GHR: variants seen among roughly 807,000 people sequenced by gnomAD.
GHR encodes the protein GH receptor.
A neutral mutation model predicts 67.1 loss-of-function variants in GHR; 35 were observed. The ratio of observed to expected loss-of-function variants is 0.52; its 90% CI spans 0.40 to 0.69. GHR has a LOEUF of 0.69. Ranked by LOEUF, GHR falls within the 30% of genes least tolerant of loss-of-function variation. GHR has a pLI of 0.00. For missense variants in GHR, 792 were observed against 764.6 expected (o/e 1.04, Z -0.42); for synonymous variants, 272 against 269.1 (o/e 1.01, Z -0.10).
chr5:42,432,201 GA>G (rs535067689), intron 1 of GHR, among the ~76,000 whole-genome samples: 2 of 152,102 alleles, frequency 1.3e-5, no homozygotes, highest in South Asian at 4.1e-4. Flanking sequence ...AAAGTCCAAA[GA>G]AAAATCCTTA....
intron 2 of GHR, among the ~76,000 whole-genome samples, chr5:42,588,057 A>G (rs1363697200): frequency 6.6e-6 from 1 of 152,186 alleles, no homozygotes; most frequent in African/African-American, 2.4e-5. Context: ...GTCAAATTGT[A>G]TATTGTTTAA....
At chr5:42,622,279 A>T (rs1753485691) in intron 2 of GHR, among the ~76,000 whole-genome samples, 1 of 152,202 alleles carries the variant, frequency 6.6e-6, no homozygotes, top group South Asian at 2.1e-4. Context: ...TGCTTGTGAC[A>T]TTGAGATCAA....
chr5:42,536,351 T>A (rs904674643), intron 1 of GHR, among the ~76,000 whole-genome samples: 2 of 152,228 alleles, frequency 1.3e-5, no homozygotes, highest in Non-Finnish European at 2.9e-5. Context: ...TATGCCAATT[T>A]TGCTGAGAGT....
In GHR at chr5:42,720,476, G is replaced by A. The variant is rs1029453429; in HGVS notation, c.*1052G>A. On this transcript the variant is annotated 3_prime_UTR_variant, in exon 10 of 10. Coordinates refer to ENST00000230882, the MANE Select transcript of GHR (RefSeq NM_000163.5). ...AGAGATAAGATCTATAGCCTCTGCA[G>A]CGGAATCTGTTCACACCCAACTTGG... 7.2e-5 allele frequency: 11 copies of A among 152,202 alleles called. No homozygotes were observed. The highest frequency in any genetic ancestry group is 2.7e-4 in the African/African-American group (11 of 41,456). The allele number at this position is 152,202 out of a possible 1,614,324, so 9.4% of individuals were successfully genotyped here.
At chr5:42,706,461 G>A (rs2111783416) in intron 6 of GHR, among the ~76,000 whole-genome samples, 1 of 152,108 alleles carries the variant, frequency 6.6e-6, no homozygotes, top group Admixed American at 6.6e-5. Context: ...TGAAACCTTT[G>A]CTAAGGCCTA....
intron 1 of GHR, among the ~76,000 whole-genome samples, chr5:42,489,985 T>C (rs1183955875): frequency 6.6e-6 from 1 of 151,886 alleles, no homozygotes; most frequent in Admixed American, 6.6e-5. Flanking sequence ...TAAAAGAAAA[T>C]ATAGCAAGAA....
At chr5:42,639,529 C>T (rs771145445) in intron 3 of GHR, among the ~76,000 whole-genome samples, 6 of 151,988 alleles carry the variant, frequency 3.9e-5, no homozygotes, top group African/African-American at 7.3e-5. Flanking sequence ...TTTAAAACCC[C>T]GAATTTGAAT....
chr5:42,509,750 C>A (rs1746931643), intron 1 of GHR, among the ~76,000 whole-genome samples: 1 of 145,946 alleles, frequency 6.9e-6, no homozygotes, highest in Non-Finnish European at 1.5e-5. Flanking sequence ...TTTTACACGT[C>A]TACCTCTATT....
At chr5:42,586,409 C>G (rs1157760169) in intron 2 of GHR, among the ~76,000 whole-genome samples, 2 of 152,128 alleles carry the variant, frequency 1.3e-5, no homozygotes, top group Non-Finnish European at 2.9e-5. Context: ...GCTTTTTTCT[C>G]AATAAATGGG....
chr5:42,595,804 G>C (rs1258782703), intron 2 of GHR, among the ~76,000 whole-genome samples: 1 of 152,220 alleles, frequency 6.6e-6, no homozygotes, highest in Non-Finnish European at 1.5e-5. Context: ...TGACAGATTG[G>C]CTGTAATAAA....
intron 2 of GHR, among the ~76,000 whole-genome samples, chr5:42,618,990 T>C (rs1342005523): frequency 6.6e-6 from 1 of 152,076 alleles, no homozygotes; most frequent in Non-Finnish European, 1.5e-5. Flanking sequence ...AAAAAACAAA[T>C]GGCCCTCTGG....
chr5:42,448,745 T>C (rs1220754188), intron 1 of GHR, among the ~76,000 whole-genome samples: 1 of 152,074 alleles, frequency 6.6e-6, no homozygotes, highest in Non-Finnish European at 1.5e-5. Flanking sequence ...GATGTTATCT[T>C]CTAGAATTTT....
chr5:42,690,388 A>AG (rs750729079), intron 4 of GHR, among the ~76,000 whole-genome samples: 13 of 152,326 alleles, frequency 8.5e-5, no homozygotes, highest in Non-Finnish European at 1.5e-4. Flanking sequence ...ACTTCTTGTG[A>AG]GGATCATATG....
At chr5:42,430,693 TG>T (rs1203941723) in intron 1 of GHR, among the ~76,000 whole-genome samples, 12 of 151,922 alleles carry the variant, frequency 7.9e-5, no homozygotes, top group Non-Finnish European at 1.5e-4. Flanking sequence ...CATACACATT[TG>T]CTTTTTTGCT....
chr5:42,525,974 G>T (rs1355413247), intron 1 of GHR, among the ~76,000 whole-genome samples: 2 of 152,116 alleles, frequency 1.3e-5, no homozygotes, highest in African/African-American at 4.8e-5. Flanking sequence ...TTTATCAGCA[G>T]CATGAAAACA....
chr5:42,452,779 G>T (rs1253256018), intron 1 of GHR, among the ~76,000 whole-genome samples: 1 of 152,002 alleles, frequency 6.6e-6, no homozygotes, highest in Non-Finnish European at 1.5e-5. Context: ...TTTCTCTGGA[G>T]AAAATTTCGT....
intron 2 of GHR, among the ~76,000 whole-genome samples, chr5:42,600,499 G>T (rs1752320158): frequency 6.6e-6 from 1 of 152,234 alleles, no homozygotes; most frequent in Admixed American, 6.5e-5. Flanking sequence ...TTGCTCTTGA[G>T]TGAGGAAATC....
intron 1 of GHR, among the ~76,000 whole-genome samples, chr5:42,464,542 C>A (rs1028461851): frequency 7.9e-5 from 12 of 152,128 alleles, no homozygotes; most frequent in Non-Finnish European, 1.6e-4. Context: ...AGAGAAGAAA[C>A]AGGCAAGTGT....
Position 42,481,652 on chromosome 5 carries a change from C to T in GHR, c.-12+57697C>T, listed in dbSNP as rs537326544. ...TTTCATTCATCTTCCATCACTGATA[C>T]CCTTTCTTCCAGTTGATCTCATCGG... is the stretch of plus-strand genomic sequence containing the variant. On this transcript the variant is annotated intron_variant, in intron 1 of 9. Transcript: ENST00000230882. Among the ~76,000 whole-genome samples, 5 of 152,308 alleles carry T rather than the reference C, an allele frequency of 3.3e-5. No homozygotes were observed. In the East Asian group the frequency reaches 9.6e-4, roughly 29 times the overall value.
Sources: allele counts gnomAD v4.1 joint callset (sites outside exome capture counted in the v4.1 genomes callset), GRCh38; gene constraint gnomAD v4.1.1; transcripts MANE v1.5; gene names NCBI Gene and HGNC (gene_info 2026-07-23, HGNC 2026-07-21).